Variants in PEBP4 observed in about 807,000 individuals in gnomAD.
The protein encoded by PEBP4 is phosphatidylethanolamine binding protein 4, also known as phosphatidylethanolamine-binding protein 4.
In PEBP4, 22 loss-of-function variants were observed where a neutral mutation model predicts 23.9. The observed-to-expected ratio is 0.92, with a 90% CI of 0.66 to 1.31. The LOEUF is 1.31. Among genes scored for constraint, PEBP4 ranks in the 40% most tolerant of loss-of-function variants. The probability of loss-of-function intolerance (pLI) is 0.00; values close to 1 mark genes in which losing one functional copy is unlikely to be tolerated. For synonymous variants in PEBP4, 112 were observed against 99.3 expected (o/e 1.13, Z -0.76); for missense variants, 324 against 281.7 (o/e 1.15, Z -1.07).
chr8:22,885,367 G>A (rs1746483400), intron 3 of PEBP4: 1 of 152,190 alleles, frequency 6.6e-6, no homozygotes, highest in Admixed American at 6.5e-5. Context: ...GGCTGACCCA[G>A]AATTCAAGCC....
In PEBP4 at chr8:22,941,050, T is replaced by G. The variant is rs918872846; in HGVS notation, c.145-13330A>C. Among the ~76,000 whole-genome samples the G allele has an allele frequency of 2.6e-5, 4 of 151,886 alleles. No homozygotes were observed. The East Asian group carries it at 7.8e-4, about 30-fold the overall frequency. The stretch of plus-strand genomic sequence containing the variant: ...TAAGGTAATCAGAGCCAGCGGATGT[T>G]GAGAGTTTGAGAGGTTCAGTAAGGT... On this transcript the variant is annotated intron_variant, in intron 1 of 1. Coordinates refer to the PEBP4 transcript ENST00000522278.
At chr8:22,768,535 C>T (rs902231218) in intron 4 of PEBP4, among the ~76,000 whole-genome samples, 2 of 152,184 alleles carry the variant, frequency 1.3e-5, no homozygotes, top group African/African-American at 2.4e-5. Context: ...CCCGGGCCTC[C>T]GGTGCGGAGC....
chr8:22,899,631 G>C (rs529128583), intron 3 of PEBP4, among the ~76,000 whole-genome samples: 1 of 152,252 alleles, frequency 6.6e-6, no homozygotes, highest in South Asian at 2.1e-4. Flanking sequence ...CTCTCATCTC[G>C]GCAAAGTGGC....
intron 1 of PEBP4, among the ~76,000 whole-genome samples, chr8:22,938,216 C>T (rs1176539604): frequency 6.6e-6 from 1 of 152,208 alleles, no homozygotes; most frequent in Non-Finnish European, 1.5e-5. Context: ...ACACTGGCCA[C>T]TCCGTCCTCT....
chr8:22,786,171 A>C (rs1443481109), intron 4 of PEBP4, among the ~76,000 whole-genome samples: 5 of 152,310 alleles, frequency 3.3e-5, no homozygotes, highest in African/African-American at 1.2e-4. Context: ...GGGGCTCTGG[A>C]TTAGTGGTAC....
chr8:22,754,526 T>A (rs1180091790), intron 4 of PEBP4, among the ~76,000 whole-genome samples: 1 of 152,202 alleles, frequency 6.6e-6, no homozygotes, highest in Non-Finnish European at 1.5e-5. Flanking sequence ...AGATTTCTCA[T>A]CAGAAATTTG....
Position 22,941,048 on chromosome 8 carries a change from G to A in PEBP4, c.145-13328C>T, listed in dbSNP as rs536305853. Among the ~76,000 whole-genome samples the A allele has an allele frequency of 3.9e-5, 6 of 152,246 alleles. No homozygotes were observed. In the East Asian group the frequency reaches 1.2e-3, roughly 29 times the overall value. On this transcript the variant is annotated intron_variant, in intron 1 of 1. Transcript: ENST00000522278. Reference sequence around the variant, plus strand: ...CTTAAGGTAATCAGAGCCAGCGGATGTTGAGAGTTTGAGAGGTTCAGTAAG... The same window carrying A: ...CTTAAGGTAATCAGAGCCAGCGGATATTGAGAGTTTGAGAGGTTCAGTAAG...
chr8:22,855,977 G>A (rs1252447587), intron 3 of PEBP4, among the ~76,000 whole-genome samples: 1 of 148,232 alleles, frequency 6.7e-6, no homozygotes, highest in East Asian at 2.0e-4. Context: ...CTAGGAGGCT[G>A]AGGCTGAGGC....
chr8:22,892,581 A>G (rs915387458), intron 3 of PEBP4, among the ~76,000 whole-genome samples: 2 of 152,210 alleles, frequency 1.3e-5, no homozygotes, highest in African/African-American at 4.8e-5. Context: ...ACGGACTGAC[A>G]TCATGTTTTG....
chr8:22,787,457 T>C lies in PEBP4; in HGVS notation c.357+30180A>G, dbSNP rs538861758. On this transcript the variant is annotated intron_variant, in intron 4 of 6. Coordinates refer to ENST00000256404, the MANE Select transcript of PEBP4 (RefSeq NM_144962.3). Reference sequence around the variant, plus strand: ...AATTGGCAGAGGCGGGGGAGGGGGATACCAACATTTTGATGGGCGAGTTTT... The same window carrying C: ...AATTGGCAGAGGCGGGGGAGGGGGACACCAACATTTTGATGGGCGAGTTTT... 2.9e-3 allele frequency among the ~76,000 whole-genome samples: 437 copies of C among 152,254 alleles called. 2 individuals carry two copies. The highest frequency in any genetic ancestry group is 8.8e-3 in the African/African-American group (367 of 41,544).
chr8:22,756,769 G>C (rs897226909), intron 4 of PEBP4, among the ~76,000 whole-genome samples: 1 of 152,174 alleles, frequency 6.6e-6, no homozygotes, highest in African/African-American at 2.4e-5. Flanking sequence ...GCTTGCCAAG[G>C]CTGGGACTGT....
At chr8:22,745,899 G>A (rs772979967) in intron 4 of PEBP4, among the ~76,000 whole-genome samples, 4 of 152,192 alleles carry the variant, frequency 2.6e-5, no homozygotes, top group East Asian at 1.9e-4. Context: ...GTCATTAGGC[G>A]GCAGAACTGG....
At chr8:22,738,852 T>G (rs1804927484) in intron 4 of PEBP4, among the ~76,000 whole-genome samples, 1 of 152,088 alleles carries the variant, frequency 6.6e-6, no homozygotes, top group South Asian at 2.1e-4. Context: ...GACACTCACA[T>G]GCACACACAT....
chr8:22,776,589 C>T (rs188850028), intron 4 of PEBP4, among the ~76,000 whole-genome samples: 2 of 151,944 alleles, frequency 1.3e-5, no homozygotes, highest in East Asian at 3.9e-4. Flanking sequence ...TCAGCCGAGT[C>T]CTCTCTGCAT....
intron 4 of PEBP4, among the ~76,000 whole-genome samples, chr8:22,795,164 T>TATATATATATATATATATATATATA (rs1491200518): frequency 2.3e-4 from 4 of 17,532 alleles, no homozygotes; most frequent in African/African-American, 6.5e-4. Context: ...TATATATATA[T>TATATATATATATATATATATATATA]TTTTTTTTTT....
At chr8:22,815,189 G>A (rs904039299) in intron 4 of PEBP4, 2 of 152,120 alleles carry the variant, frequency 1.3e-5, no homozygotes, top group African/African-American at 4.8e-5. Context: ...AGTGCTTTTC[G>A]CTTGAAAATT....
intron 3 of PEBP4, among the ~76,000 whole-genome samples, chr8:22,911,273 G>A (rs367703347): frequency 3.3e-5 from 5 of 152,084 alleles, no homozygotes. Flanking sequence ...TCAGGGGTGC[G>A]CTGGTCCCTG....
intron 4 of PEBP4, among the ~76,000 whole-genome samples, chr8:22,731,917 C>T (rs534548588): frequency 3.3e-5 from 5 of 151,914 alleles, no homozygotes; most frequent in East Asian, 1.9e-4. Context: ...TCTCGTGATC[C>T]GCCCGCCTCG....
At chr8:22,828,167 T>C (rs1025220132) in intron 3 of PEBP4, among the ~76,000 whole-genome samples, 16 of 152,178 alleles carry the variant, frequency 1.1e-4, no homozygotes, top group African/African-American at 3.1e-4. Context: ...GAAAGCAAGA[T>C]GGCAGCAAAT....
Sources: gnomAD v4.1 joint callset for allele counts (sites outside exome capture counted in the v4.1 genomes callset) on GRCh38, gnomAD v4.1.1 for gene constraint, MANE v1.5 for transcripts, NCBI Gene and HGNC (gene_info 2026-07-23, HGNC 2026-07-21) for gene names.